Variants in PHYH observed in about 807,000 individuals in gnomAD.
The protein encoded by PHYH is phytanoyl-CoA 2-hydroxylase.
Under a neutral mutation model 38.5 loss-of-function variants are expected in PHYH, and 32 were observed. That is an observed-to-expected ratio of 0.83 (90% CI 0.63 to 1.12). PHYH has a LOEUF of 1.12. Among genes scored for constraint, PHYH ranks in the 50% most tolerant of loss-of-function variants. The probability of loss-of-function intolerance (pLI) is 0.00; values close to 1 mark genes in which losing one functional copy is unlikely to be tolerated. For missense variants in PHYH, 426 were observed against 434.8 expected, an observed-to-expected ratio of 0.98 and a Z score of 0.18; for synonymous variants, 166 against 157.9, an observed-to-expected ratio of 1.05 and a Z score of -0.38.
chr10:13,291,732 G>T, intron 5 of PHYH, 99 bp downstream of exon 5: 1 of 785,680 alleles, frequency 1.3e-6, no homozygotes, highest in Non-Finnish European at 2.2e-6. Flanking sequence ...TCCTCCCTTG[G>T]TCTCCTAAAA....
chr10:13,283,555 A>G (rs1835469602), intron 7 of PHYH, 135 bp downstream of exon 7: 1 of 977,156 alleles, frequency 1.0e-6, no homozygotes, highest in African/African-American at 1.6e-5. Flanking sequence ...CAGGTTGGTT[A>G]AAAGCCACAA....
At position 13,280,884 on chromosome 10, in the gene PHYH, A is replaced by G. The variant is rs1835393561; in HGVS notation, c.963+92T>C. ...AAATGAATCTAAACCCAAGCACTAT[A>G]TACTGTCAAATAAACTAGGTATGAG... On this transcript the variant is annotated intron_variant, in intron 8 of 8. Transcript: ENST00000263038. 8.2e-6 allele frequency: 10 copies of G among 1,217,940 alleles called. No homozygotes were observed. The South Asian group carries it at 9.7e-5, about 12-fold the overall frequency. The allele number at this position is 1,217,940 out of a possible 1,614,324, so 75.4% of individuals were successfully genotyped here.
chr10:13,289,340 C>T (rs1283635716), intron 5 of PHYH, among the ~76,000 whole-genome samples: 6 of 152,170 alleles, frequency 3.9e-5, no homozygotes, highest in South Asian at 2.1e-4. Context: ...GGACTACAGG[C>T]GCCCGCCACC....
At chr10:13,289,678 T>TC (rs1194960875) in intron 5 of PHYH, among the ~76,000 whole-genome samples, 22 of 152,150 alleles carry the variant, frequency 1.4e-4, no homozygotes, top group African/African-American at 5.3e-4. Context: ...ACACCTGTAA[T>TC]CCCAGCACCT....
chr10:13,291,243 C>T (rs1470440276), intron 5 of PHYH, among the ~76,000 whole-genome samples: 2 of 152,034 alleles, frequency 1.3e-5, no homozygotes, highest in African/African-American at 4.8e-5. Flanking sequence ...GCTGATCAAG[C>T]TTAGAGACGT....
chr10:13,291,104 C>CAAAAAAAAA (rs367712215), intron 5 of PHYH, among the ~76,000 whole-genome samples: 38 of 76,332 alleles, frequency 5.0e-4, no homozygotes, highest in Non-Finnish European at 5.7e-4. Context: ...AACTCCATCT[C>CAAAAAAAAA]AAAAAAAAAA....
rs373346799 is a variant in PHYH at position 13,294,482 on chromosome 10, C to T, written c.360G>A (p.Lys120=). 70 of 1,614,026 alleles carry T rather than the reference C, an allele frequency of 4.3e-5. No individual in the cohort carries two copies. The highest frequency in any genetic ancestry group is 2.7e-4 in the East Asian group (12 of 44,892). The change falls in exon 4 of 9, where the codon AAG becomes AAA. Residue 120 remains lysine (K), a synonymous_variant. Transcript: ENST00000263038. ...CCTTATCTTCCTGGAAATCCTGGAC[C>T]TTCGTGATCATCTTCTCACTTGGAG... ...EYAPSEKMIT[K]VQDFQEDKEL... is the part of the protein sequence containing the mutation.
chr10:13,293,364 T>C (rs1835759036), intron 4 of PHYH, among the ~76,000 whole-genome samples: 1 of 152,138 alleles, frequency 6.6e-6, no homozygotes, highest in South Asian at 2.1e-4. Context: ...TGCAATGACA[T>C]GATCTCGGCT....
At chr10:13,286,332 C>A (rs1186638968) in intron 6 of PHYH, among the ~76,000 whole-genome samples, 2 of 152,130 alleles carry the variant, frequency 1.3e-5, no homozygotes, top group Non-Finnish European at 2.9e-5. Context: ...ATGCATTTAA[C>A]ATTTCCAAGC....
intron 1 of PHYH, among the ~76,000 whole-genome samples, chr10:13,299,146 C>A (rs12779484): frequency 2.1e-5 from 3 of 140,166 alleles, no homozygotes; most frequent in Non-Finnish European, 4.8e-5. Context: ...AAAAAAAAAC[C>A]AAAAAAGCAA....
chr10:13,283,786 G>A lies in PHYH; in HGVS notation c.732C>T (p.Ala244=). 1.2e-6 allele frequency: 2 copies of A among 1,613,884 alleles called. No homozygotes were observed. The highest frequency in any genetic ancestry group is 8.5e-7 in the Non-Finnish European group (1 of 1,179,924). The part of the protein sequence containing the change: ...HGIQDYEENK[A]RVHLVMEKGD... ...CCTTCTCCATCACCAGGTGCACCCG[G>A]GCCTTGTTTTCCTCGTAGTCCTGGA... Residue 244 remains alanine (A), a synonymous_variant, in exon 7 of 9, where the codon GCC becomes GCT. Transcript: ENST00000263038.
Position 13,288,448 on chromosome 10 carries a change from T to C in PHYH, c.590A>G (p.Glu197Gly). 1 of 1,614,162 alleles carries C rather than the reference T, an allele frequency of 6.2e-7. No homozygotes were observed. ...DLIVCAWTAM[E>G]HISRNNGCLV... ...ACAGCCGTTGTTCCGGCTGATGTGC[T>C]CCATCGCCGTCCAGGCGCAAACGAT... is the stretch of plus-strand genomic sequence containing the variant. Residue 197 changes from glutamate (E) to glycine (G), a missense_variant, in exon 6 of 9, where the codon GAG becomes GGG. By Grantham distance (98) the Glu-to-Gly change is moderately conservative (BLOSUM62 -2). Coordinates refer to ENST00000263038, the MANE Select transcript of PHYH (RefSeq NM_006214.4).
rs1422924901 is a variant in PHYH, at chr10:13,300,057, G to A, written c.-15C>T. On this transcript the variant is annotated 5_prime_UTR_variant, in exon 1 of 9. Transcript: ENST00000263038. ...AGCTGCTCCATGGCTGCGGCGCGGG[G>A]AACCCCCACCCCTCCCGGCCTCTGC... 12 of 1,530,014 alleles carry A rather than the reference G, an allele frequency of 7.8e-6. No individual in the cohort carries two copies. The highest frequency in any genetic ancestry group is 1.0e-5 in the Non-Finnish European group (12 of 1,143,846). 94.8% of individuals were successfully genotyped at this position (1,530,014 alleles called of 1,614,324 possible).
chr10:13,287,209 C>T (rs1041548695), intron 6 of PHYH, among the ~76,000 whole-genome samples: 4 of 151,494 alleles, frequency 2.6e-5, no homozygotes, highest in African/African-American at 4.9e-5. Context: ...TGTGGTGGTG[C>T]GCGCCTATAA....
chr10:13,289,354 C>A (rs1253464935), intron 5 of PHYH, among the ~76,000 whole-genome samples: 5 of 152,020 alleles, frequency 3.3e-5, no homozygotes, highest in Admixed American at 3.3e-4. Context: ...CGCCACCACG[C>A]CCGGCTAATT....
At chr10:13,290,690 C>T (rs7087147) in intron 5 of PHYH, among the ~76,000 whole-genome samples, 16,973 of 152,138 alleles carry the variant, frequency 0.11, 1,125 homozygotes, top group African/African-American at 0.16. Flanking sequence ...TGCACATCCA[C>T]GCCCAGCTTG....
rs143957922 is a variant in PHYH at position 13,288,437 on chromosome 10, G to C, written c.601C>G (p.Arg201Gly). Residue 201 changes from arginine (R) to glycine (G), a missense_variant, in exon 6 of 9, where the codon CGG (arginine) becomes GGG (glycine). By Grantham distance (125) the Arg-to-Gly change is moderately radical. Transcript: ENST00000263038. ...AGCACAACCAGACAGCCGTTGTTCCGGCTGATGTGCTCCATCGCCGTCCAG... is the reference window on the plus strand; with the variant it reads ...AGCACAACCAGACAGCCGTTGTTCCCGCTGATGTGCTCCATCGCCGTCCAG... The part of the protein sequence containing the change: ...CAWTAMEHIS[R>G]NNGCLVVLPG... The C allele has an allele frequency of 1.8e-3, 2,889 of 1,614,174 alleles. 4 individuals carry two copies. Among genetic ancestry groups the C allele is most frequent in the Non-Finnish European group, 2.2e-3 (2,595 of 1,180,020 alleles).
At chr10:13,284,108 T>C (rs1019332250) in intron 6 of PHYH, among the ~76,000 whole-genome samples, 11 of 152,098 alleles carry the variant, frequency 7.2e-5, no homozygotes, top group African/African-American at 7.2e-5. Flanking sequence ...GAATTGCTTA[T>C]GCTCAGGAGT....
intron 5 of PHYH, among the ~76,000 whole-genome samples, chr10:13,290,711 T>C (rs1463804836): frequency 6.6e-6 from 1 of 152,126 alleles, no homozygotes; most frequent in East Asian, 1.9e-4. Context: ...AGGAAGGTTA[T>C]TAAAATACAG....
Sources: gnomAD v4.1 joint callset for allele counts (sites outside exome capture counted in the v4.1 genomes callset) on GRCh38, gnomAD v4.1.1 for gene constraint, MANE v1.5 for transcripts, NCBI Gene and HGNC (gene_info 2026-07-23, HGNC 2026-07-21) for gene names.